Variants in IGF2 observed in about 807,000 individuals in gnomAD.
The protein encoded by IGF2 is insulin like growth factor 2.
In IGF2, 2 loss-of-function variants were observed where a neutral mutation model predicts 12.0. The ratio of observed to expected loss-of-function variants is 0.17; its 90% CI spans 0.07 to 0.52. The LOEUF is 0.52. IGF2 is among the 20% of genes least tolerant of loss of function. IGF2 has a pLI of 0.95. For synonymous variants in IGF2, 105 were observed against 110.1 expected (o/e 0.95, Z 0.29); for missense variants, 211 against 268.0 (o/e 0.79, Z 1.48).
At chr11:2,143,621 G>C (rs1859734237), upstream of IGF2, among the ~76,000 whole-genome samples, 1 of 152,094 alleles carries the variant, frequency 6.6e-6, no homozygotes, top group African/African-American at 2.4e-5. Context: ...GTATAAAACT[G>C]TCCAGAGCCT....
At chr11:2,142,216 A>G (rs1182759397), upstream of IGF2, among the ~76,000 whole-genome samples, 1 of 151,872 alleles carries the variant, frequency 6.6e-6, no homozygotes, top group Admixed American at 6.6e-5. The surrounding 1 kb of genome is among the most constrained non-coding windows in gnomAD (Gnocchi z 5.7). Context: ...TTAAAAAAAA[A>G]AAAACCTCAA....
the IGF2 span, chr11:2,149,295 C>T: frequency 1.9e-6 from 3 of 1,613,574 alleles, no homozygotes; most frequent in South Asian, 2.2e-5. Context: ...GCTGTGGCGT[C>T]CAGACCCTCT....
At chr11:2,144,757 G>A (rs1859814234), upstream of IGF2, among the ~76,000 whole-genome samples, 1 of 152,118 alleles carries the variant, frequency 6.6e-6, no homozygotes, top group Non-Finnish European at 1.5e-5. Context: ...GGCCCTAAGG[G>A]GACCTGTGGG....
At chr11:2,144,458 G>T (rs1431439203), upstream of IGF2, among the ~76,000 whole-genome samples, 3 of 152,232 alleles carry the variant, frequency 2.0e-5, no homozygotes, top group African/African-American at 7.2e-5. Context: ...ACCAAACAAG[G>T]GTGAAACCAG....
chr11:2,139,183 C>A lies in IGF2; in HGVS notation c.-961G>T, dbSNP rs1312213592. 6.6e-6 allele frequency: 1 copy of A among 151,540 alleles called. No individual in the cohort carries two copies. The allele number at this position is 151,540 out of a possible 1,614,324, so 9.4% of individuals were successfully genotyped here. On this transcript the variant is annotated 5_prime_UTR_variant, in exon 1 of 4. Transcript: ENST00000416167. ...GATGAAGAGGAGGCGGCGGGGAATCCGCAGGCCCGGCGGAGCGCGACCCCG... is the reference window on the plus strand; with the variant it reads ...GATGAAGAGGAGGCGGCGGGGAATCAGCAGGCCCGGCGGAGCGCGACCCCG...
In IGF2 at chr11:2,129,326, G is replaced by C. The variant is rs561985938; in HGVS notation, c.*3661C>G. ...ATGGCAGAGGAGGGGACCCAAGAGG[G>C]GGCCCCCCACTGAAGACATTGGGGA... On this transcript the variant is annotated 3_prime_UTR_variant, in exon 4 of 4. Coordinates refer to ENST00000416167, the MANE Select transcript of IGF2 (RefSeq NM_000612.6). The surrounding 1 kb of genome is among the most constrained non-coding windows in gnomAD (Gnocchi z 8.1). The C allele has an allele frequency of 1.4e-4, 30 of 219,328 alleles. No individual in the cohort carries two copies. Among genetic ancestry groups the C allele is most frequent in the Middle Eastern group, 2.8e-3 (2 of 706 alleles). The allele number at this position is 219,328 out of a possible 1,614,324, so 13.6% of individuals were successfully genotyped here.
chr11:2,147,514 C>T, the IGF2 span: 7 of 789,672 alleles, frequency 8.9e-6, no homozygotes, highest in East Asian at 2.0e-4. This position sits in a 1 kb window ranked among gnomAD's most constrained non-coding sequence, Gnocchi z 7.2. Flanking sequence ...AAGACTCCCG[C>T]GCAGAGCCTG....
At position 2,131,774 on chromosome 11, in the gene IGF2, G is replaced by C. The variant is rs1403119107; in HGVS notation, c.*1213C>G. 1 of 181,250 alleles carries C rather than the reference G, an allele frequency of 5.5e-6. No homozygotes were observed. Among genetic ancestry groups the C allele is most frequent in the Admixed American group, 7.3e-5 (1 of 13,672 alleles). The allele number at this position is 181,250 out of a possible 1,614,324, so 11.2% of individuals were successfully genotyped here. A position where few individuals can be genotyped will look rare whatever the true frequency, so the allele number is the denominator to read the frequency against. On this transcript the variant is annotated 3_prime_UTR_variant, in exon 4 of 4. Coordinates refer to ENST00000416167, the MANE Select transcript of IGF2 (RefSeq NM_000612.6). The stretch of plus-strand genomic sequence containing the variant: ...GTGTGCATGTGTGTGCTGTGTCTTT[G>C]TGTGTGTGCTGTGTGCTAGTGTGTG...
upstream of IGF2, among the ~76,000 whole-genome samples, chr11:2,141,973 C>A (rs1299687825): frequency 2.6e-5 from 4 of 152,144 alleles, no homozygotes; most frequent in African/African-American, 7.2e-5. Context: ...CCCAGTGAAA[C>A]ACATTTCAAG....
chr11:2,149,339 G>T, the IGF2 span: 1 of 1,611,094 alleles, frequency 6.2e-7, no homozygotes, highest in Non-Finnish European at 8.5e-7. Flanking sequence ...GAGGGACAAA[G>T]CTGAGGCTGG....
At chr11:2,144,019 C>T (rs913163060), upstream of IGF2, among the ~76,000 whole-genome samples, 8 of 152,132 alleles carry the variant, frequency 5.3e-5, no homozygotes, top group Non-Finnish European at 8.8e-5. Flanking sequence ...TAGCGCGGAG[C>T]GCCCTGGCGC....
chr11:2,147,625 C>T, the IGF2 span: 11 of 1,241,600 alleles, frequency 8.9e-6, no homozygotes, highest in East Asian at 1.2e-4. The surrounding 1 kb of genome is among the most constrained non-coding windows in gnomAD (Gnocchi z 7.2). Flanking sequence ...GTTCTGGGAG[C>T]GCTGGGGTCG....
chr11:2,146,000 G>A (rs1859907960), upstream of IGF2, among the ~76,000 whole-genome samples: 1 of 152,062 alleles, frequency 6.6e-6, no homozygotes, highest in Non-Finnish European at 1.5e-5. Context: ...CCCAGAGCTT[G>A]GCCGGCAGGA....
Position 2,132,828 on chromosome 11 carries a change from GCC to G in IGF2, c.*157_*158del. On this transcript the variant is annotated 3_prime_UTR_variant, in exon 4 of 4. Coordinates refer to ENST00000416167, the MANE Select transcript of IGF2 (RefSeq NM_000612.6). ...CCGATGGAGGGGGCCGAGGAGAGTA[GCC>G]TGTTTCGGGGAGGCGGGGCACGGGG... is the stretch of plus-strand genomic sequence containing the variant. The G allele has an allele frequency of 3.3e-6, 2 of 599,414 alleles. No individual in the cohort carries two copies. Among genetic ancestry groups the G allele is most frequent in the South Asian group, 2.3e-5 (1 of 43,666 alleles). 37.1% of individuals were successfully genotyped at this position (599,414 alleles called of 1,614,324 possible).
chr11:2,137,532 G>T (rs567345759), intron 1 of IGF2, among the ~76,000 whole-genome samples: 19 of 136,104 alleles, frequency 1.4e-4, no homozygotes, highest in East Asian at 3.9e-4. Context: ...GCAGTGAAGG[G>T]GGGGGGGGTC....
upstream of IGF2, among the ~76,000 whole-genome samples, chr11:2,145,291 A>G (rs1347550534): frequency 6.6e-6 from 1 of 152,116 alleles, no homozygotes; most frequent in East Asian, 1.9e-4. Flanking sequence ...TGACTTGTAA[A>G]TTTGGGGGTG....
Position 2,131,585 on chromosome 11 carries a change from CAT to C in IGF2, c.*1400_*1401del, listed in dbSNP as rs1858559780. 5.4e-6 allele frequency: 1 copy of C among 185,000 alleles called. No individual in the cohort carries two copies. Among genetic ancestry groups the C allele is most frequent in the Non-Finnish European group, 1.0e-5 (1 of 98,984 alleles). The allele number at this position is 185,000 out of a possible 1,614,324, so 11.5% of individuals were successfully genotyped here. A position where few individuals can be genotyped will look rare whatever the true frequency, so the allele number is the denominator to read the frequency against. Reference sequence around the variant, plus strand: ...TGTGTGTTTGTGTGTGTGCTGTGTTCATGTGTGCTGTGCATGCGTGTGTGCTG... The same window carrying C: ...TGTGTGTTTGTGTGTGTGCTGTGTTCGTGTGCTGTGCATGCGTGTGTGCTG... On this transcript the variant is annotated 3_prime_UTR_variant, in exon 4 of 4. Coordinates refer to ENST00000416167, the MANE Select transcript of IGF2 (RefSeq NM_000612.6).
rs541910758 is a variant in IGF2 at position 2,135,292 on chromosome 11, G to C, written c.157+75C>G. ...GCTGACCTAGGAGTGTGCTCCCCTGGCTTGAGGTTGGGCGTCCTCACCGGT... is the reference window on the plus strand; with the variant it reads ...GCTGACCTAGGAGTGTGCTCCCCTGCCTTGAGGTTGGGCGTCCTCACCGGT... On this transcript the variant is annotated intron_variant, in intron 2 of 3. Coordinates refer to ENST00000416167, the MANE Select transcript of IGF2 (RefSeq NM_000612.6). The C allele has an allele frequency of 1.4e-4, 191 of 1,345,722 alleles. 1 individual carries two copies. The South Asian group carries it at 2.6e-3, about 18-fold the overall frequency. 83.4% of individuals were successfully genotyped at this position (1,345,722 alleles called of 1,614,324 possible).
upstream of IGF2, among the ~76,000 whole-genome samples, chr11:2,141,544 G>A (rs1022868655): frequency 1.8e-4 from 28 of 152,184 alleles, no homozygotes; most frequent in Admixed American, 4.6e-4. Flanking sequence ...ATGAAATTGG[G>A]AATTTTGCCG....
Sources: allele counts gnomAD v4.1 joint callset (sites outside exome capture counted in the v4.1 genomes callset), GRCh38; gene constraint gnomAD v4.1.1; non-coding constraint Gnocchi (gnomAD v3.1); transcripts MANE v1.5; gene names NCBI Gene and HGNC (gene_info 2026-07-23, HGNC 2026-07-21).